ZNF385D: variants seen among roughly 807,000 people sequenced by gnomAD.
The protein encoded by ZNF385D is zinc finger protein 659.
ZNF385D carries 15 observed loss-of-function variants against 35.8 expected under a neutral mutation model. The ratio of observed to expected loss-of-function variants is 0.42; its 90% CI spans 0.28 to 0.64. ZNF385D has a LOEUF of 0.64. Ranked by LOEUF, ZNF385D falls within the 30% of genes least tolerant of loss-of-function variation. ZNF385D has a pLI of 0.23. For missense variants in ZNF385D, 474 were observed against 494.6 expected, an observed-to-expected ratio of 0.96 and a Z score of 0.39; for synonymous variants, 212 against 186.8, an observed-to-expected ratio of 1.13 and a Z score of -1.10.
intron 2 of ZNF385D, among the ~76,000 whole-genome samples, chr3:22,190,925 T>A (rs1695977596): frequency 6.6e-6 from 1 of 152,090 alleles, no homozygotes; most frequent in African/African-American, 2.4e-5. Flanking sequence ...AAATGTAAAA[T>A]CATCTATGAA....
At chr3:22,253,896 C>G (rs1345506408) in intron 2 of ZNF385D, among the ~76,000 whole-genome samples, 1 of 151,948 alleles carries the variant, frequency 6.6e-6, no homozygotes, top group East Asian at 1.9e-4. Context: ...AGTATTCAAT[C>G]TGTGCTGTGT....
At chr3:21,513,111 C>G (rs140501624) in intron 3 of ZNF385D, among the ~76,000 whole-genome samples, 18 of 152,212 alleles carry the variant, frequency 1.2e-4, no homozygotes, top group Non-Finnish European at 2.5e-4. Context: ...TTAAACAACA[C>G]TTTGTTTTAA....
chr3:22,035,087 T>A (rs2125490558), intron 3 of ZNF385D, among the ~76,000 whole-genome samples: 1 of 152,296 alleles, frequency 6.6e-6, no homozygotes, highest in East Asian at 1.9e-4. Context: ...GAACATTGAA[T>A]AAAGTAACAT....
rs1215506025 is a variant in ZNF385D, at chr3:21,884,688, A to AT, written c.326-219661dup. On this transcript the variant is annotated intron_variant, in intron 3 of 5. Transcript: ENST00000494108. ...TGTTCTCTAAAGTTTATTTGTGTGT[A>AT]TTTCATCTGTACAGTGGAAATACTA... Among the ~76,000 whole-genome samples the AT allele has an allele frequency of 3.3e-5, 5 of 152,152 alleles. No homozygotes were observed. In the East Asian group the frequency reaches 9.7e-4, roughly 29 times the overall value.
chr3:21,988,921 G>T (rs1335316587), intron 3 of ZNF385D, among the ~76,000 whole-genome samples: 1 of 152,166 alleles, frequency 6.6e-6, no homozygotes, highest in African/African-American at 2.4e-5. Flanking sequence ...GGGTGGGAGT[G>T]ACCCGATTTT....
At chr3:21,682,215 T>TTAAAAA (rs1553636604) in intron 1 of ZNF385D, among the ~76,000 whole-genome samples, 19 of 151,142 alleles carry the variant, frequency 1.3e-4, no homozygotes, top group African/African-American at 4.4e-4. Context: ...GTTTTTAGTT[T>TTAAAAA]AGCTTTGTCC....
intron 4 of ZNF385D, among the ~76,000 whole-genome samples, chr3:21,492,351 T>A (rs977137887): frequency 6.6e-6 from 1 of 151,274 alleles, no homozygotes; most frequent in African/African-American, 2.4e-5. Flanking sequence ...ACAAATTGAA[T>A]GGGTTTGCTT....
chr3:22,232,364 T>A (rs991850638), intron 2 of ZNF385D, among the ~76,000 whole-genome samples: 6 of 152,110 alleles, frequency 3.9e-5, no homozygotes, highest in African/African-American at 1.4e-4. Context: ...TGTATTTTTC[T>A]CTGAGAATGG....
At chr3:21,712,412 C>T (rs985779906) in intron 1 of ZNF385D, among the ~76,000 whole-genome samples, 1 of 152,174 alleles carries the variant, frequency 6.6e-6, no homozygotes, top group African/African-American at 2.4e-5. Flanking sequence ...CTCACGGTCT[C>T]TTCTCTTACT....
At position 21,664,936 on chromosome 3, in the gene ZNF385D, A is replaced by G. The variant is rs1289689327; in HGVS notation, c.115T>C (p.Phe39Leu). 5.0e-6 allele frequency: 8 copies of G among 1,613,698 alleles called. No individual in the cohort carries two copies. Among genetic ancestry groups the G allele is most frequent in the Non-Finnish European group, 5.9e-6 (7 of 1,179,768 alleles). ...PSLDIKPFLP[F>L]PLDTAAAVNL... ...ACTGCAGCTGCAGTGTCAAGAGGAA[A>G]GGGAAGAAATGGTTTAATATCCAGC... Residue 39 changes from phenylalanine to leucine, a missense_variant, in exon 2 of 8, where the codon TTT becomes CTT. Phe to Leu is a conservative substitution (Grantham distance 22). Transcript: ENST00000281523.
chr3:22,037,163 A>T (rs895927621), intron 3 of ZNF385D, among the ~76,000 whole-genome samples: 1 of 151,808 alleles, frequency 6.6e-6, no homozygotes, highest in African/African-American at 2.4e-5. Flanking sequence ...ATAGTGCCGC[A>T]ATAAACATAC....
chr3:21,850,034 A>T (rs552795051), intron 3 of ZNF385D, among the ~76,000 whole-genome samples: 1 of 152,198 alleles, frequency 6.6e-6, no homozygotes, highest in South Asian at 2.1e-4. Context: ...GTGAGCCACC[A>T]CACTCAGCCT....
At chr3:22,128,913 G>C (rs576014544) in intron 3 of ZNF385D, among the ~76,000 whole-genome samples, 34 of 152,212 alleles carry the variant, frequency 2.2e-4, no homozygotes, top group African/African-American at 7.2e-4. Context: ...AGAAGAACTA[G>C]GTATTTATTC....
At chr3:22,351,099 T>C (rs778540522) in intron 2 of ZNF385D, among the ~76,000 whole-genome samples, 10 of 152,100 alleles carry the variant, frequency 6.6e-5, no homozygotes, top group Non-Finnish European at 1.5e-4. Flanking sequence ...TGCATGTATA[T>C]CTACAATTAT....
intron 3 of ZNF385D, among the ~76,000 whole-genome samples, chr3:21,836,680 G>A (rs929767428): frequency 2.6e-5 from 4 of 152,076 alleles, no homozygotes; most frequent in Non-Finnish European, 5.9e-5. Flanking sequence ...GAGCACAGCT[G>A]TGTTCTCATA....
intron 2 of ZNF385D, among the ~76,000 whole-genome samples, chr3:21,662,487 T>C (rs1322391799): frequency 1.3e-5 from 2 of 152,180 alleles, no homozygotes; most frequent in South Asian, 2.1e-4. Context: ...AAATTACGTT[T>C]TATACATACC....
At chr3:21,496,263 AT>A (rs1480428274) in intron 4 of ZNF385D, among the ~76,000 whole-genome samples, 1 of 146,402 alleles carries the variant, frequency 6.8e-6, no homozygotes, top group Non-Finnish European at 1.5e-5. Context: ...TATATATATA[AT>A]TTATATATAT....
intron 3 of ZNF385D, among the ~76,000 whole-genome samples, chr3:22,029,338 A>G (rs1697773227): frequency 6.6e-6 from 1 of 152,328 alleles, no homozygotes; most frequent in East Asian, 1.9e-4. Context: ...TAGTATGACC[A>G]TGCCCTGTGA....
chr3:21,741,084 T>G (rs554599165), intron 1 of ZNF385D, among the ~76,000 whole-genome samples: 1 of 152,262 alleles, frequency 6.6e-6, no homozygotes, highest in East Asian at 1.9e-4. Context: ...TATTCAATTC[T>G]TCTTCTGTGA....
Sources: allele counts gnomAD v4.1 joint callset (sites outside exome capture counted in the v4.1 genomes callset), GRCh38; gene constraint gnomAD v4.1.1; transcripts MANE v1.5; gene names NCBI Gene and HGNC (gene_info 2026-07-23, HGNC 2026-07-21).